KCNQ1: variants seen among roughly 807,000 people sequenced by gnomAD.
KCNQ1 encodes the protein potassium voltage-gated channel subfamily KQT member 1.
Under a neutral mutation model 72.4 loss-of-function variants are expected in KCNQ1, and 49 were observed. The ratio of observed to expected loss-of-function variants is 0.68; its 90% CI spans 0.54 to 0.86. The LOEUF (loss-of-function observed/expected upper bound fraction) is 0.86, where lower values mean the gene tolerates loss of function less well. Among genes scored for constraint, KCNQ1 ranks in the 40% least tolerant of loss-of-function variants. The probability of loss-of-function intolerance (pLI) is 0.00; values close to 1 mark genes in which losing one functional copy is unlikely to be tolerated. For synonymous variants in KCNQ1, 450 were observed against 412.6 expected (o/e 1.09, Z -1.10); for missense variants, 790 against 945.1 (o/e 0.84, Z 2.15).
chr11:2,506,225 T>C (rs74048643), intron 1 of KCNQ1, among the ~76,000 whole-genome samples: 4 of 152,228 alleles, frequency 2.6e-5, no homozygotes, highest in African/African-American at 4.8e-5. Context: ...TTGACCCATA[T>C]TGAGTTAATT....
chr11:2,847,520 A>T (rs1312608348), intron 15 of KCNQ1, among the ~76,000 whole-genome samples: 1 of 152,192 alleles, frequency 6.6e-6, no homozygotes, highest in Non-Finnish European at 1.5e-5. Context: ...GTGGACACAT[A>T]TAGGGACTCC....
rs1847860658 is a variant in KCNQ1, at chr11:2,827,405, C to T, written c.1795-20362C>T. 6.6e-6 allele frequency among the ~76,000 whole-genome samples: 1 copy of T among 152,162 alleles called. No individual in the cohort carries two copies. The highest frequency in any genetic ancestry group is 1.5e-5 in the Non-Finnish European group (1 of 68,024). ...GGTCCCCAGCGGCTGCTCCTGCATT[C>T]ACCATCACATCTGCATTCCAGCAGC... is the stretch of plus-strand genomic sequence containing the variant. On this transcript the variant is annotated intron_variant, in intron 15 of 15. Coordinates refer to ENST00000155840, the MANE Select transcript of KCNQ1 (RefSeq NM_000218.3). This position sits in a 1 kb window ranked among gnomAD's most constrained non-coding sequence, Gnocchi z 6.7.
chr11:2,622,845 G>A (rs1849197866), intron 10 of KCNQ1: 1 of 398,582 alleles, frequency 2.5e-6, no homozygotes, highest in African/African-American at 2.1e-5. Context: ...CACCAGAGTG[G>A]CACGTTTGTT....
chr11:2,667,210 C>T, intron 11 of KCNQ1: 1 of 398,780 alleles, frequency 2.5e-6, no homozygotes, highest in South Asian at 1.3e-4. Flanking sequence ...CCCGTGGCCC[C>T]CTAACCTTTC....
rs1846211481 is a variant in KCNQ1 at position 2,750,552 on chromosome 11, G to A, written c.1515-18292G>A. On this transcript the variant is annotated intron_variant, in intron 11 of 15. Coordinates refer to ENST00000155840, the MANE Select transcript of KCNQ1 (RefSeq NM_000218.3). This position sits in a 1 kb window ranked among gnomAD's most constrained non-coding sequence, Gnocchi z 6.3. The stretch of plus-strand genomic sequence containing the variant: ...AACCCTCTCTGCAGAGGCCCTGGCT[G>A]GACCAGTTGCTTTGCAATTCACAAG... Among the ~76,000 whole-genome samples, 2 of 152,206 alleles carry A rather than the reference G, an allele frequency of 1.3e-5. No individual in the cohort carries two copies. The highest frequency in any genetic ancestry group is 2.9e-5 in the Non-Finnish European group (2 of 68,034).
intron 11 of KCNQ1, chr11:2,667,737 G>A (rs192536035): frequency 4.1e-4 from 165 of 398,798 alleles, no homozygotes; most frequent in Non-Finnish European, 6.5e-4. Context: ...AAGTGAGGGA[G>A]TGGGATGGGG....
chr11:2,790,813 G>C (rs1194910137), intron 15 of KCNQ1, among the ~76,000 whole-genome samples: 1 of 152,220 alleles, frequency 6.6e-6, no homozygotes, highest in Non-Finnish European at 1.5e-5. Context: ...GTGTGAGCAT[G>C]AGGATGGCAT....
intron 11 of KCNQ1, among the ~76,000 whole-genome samples, chr11:2,754,585 G>A (rs1024967072): frequency 9.9e-5 from 15 of 152,220 alleles, no homozygotes; most frequent in Non-Finnish European, 1.5e-4. Context: ...CCATACAAAT[G>A]TGGGACATTG....
rs1847656542 is a variant in KCNQ1, at chr11:2,818,156, G to A, written c.1795-29611G>A. ...GTGTCTGCTGGCCCTCAGAGTGGGAGCGCGTGCCCCAACTTCCGAGCCCTA... is the reference window on the plus strand; with the variant it reads ...GTGTCTGCTGGCCCTCAGAGTGGGAACGCGTGCCCCAACTTCCGAGCCCTA... On this transcript the variant is annotated intron_variant, in intron 15 of 15. Coordinates refer to ENST00000155840, the MANE Select transcript of KCNQ1 (RefSeq NM_000218.3). The surrounding 1 kb of genome is among the most constrained non-coding windows in gnomAD (Gnocchi z 7.2). Among the ~76,000 whole-genome samples, 1 of 152,174 alleles carries A rather than the reference G, an allele frequency of 6.6e-6. No homozygotes were observed. Among genetic ancestry groups the A allele is most frequent in the Non-Finnish European group, 1.5e-5 (1 of 68,038 alleles).
chr11:2,570,497 A>G, intron 2 of KCNQ1, 131 bp from the exon 3 acceptor site: 1 of 1,220,182 alleles, frequency 8.2e-7, no homozygotes, highest in Non-Finnish European at 1.2e-6. Context: ...GCAGGCCAGG[A>G]CCCGGGCCTG....
intron 11 of KCNQ1, chr11:2,692,836 G>C (rs1309981317): frequency 5.0e-6 from 2 of 398,520 alleles, no homozygotes; most frequent in Admixed American, 4.4e-5. Context: ...TCATTCCCCT[G>C]CCTGTTAGAC....
At chr11:2,822,791 G>C (rs1216161892) in intron 15 of KCNQ1, among the ~76,000 whole-genome samples, 1 of 152,196 alleles carries the variant, frequency 6.6e-6, no homozygotes, top group Non-Finnish European at 1.5e-5. Context: ...GTGAGGCAAG[G>C]GAGCAATGAA....
chr11:2,530,582 C>T (rs568612690), intron 2 of KCNQ1, among the ~76,000 whole-genome samples: 1 of 152,168 alleles, frequency 6.6e-6, no homozygotes, highest in Non-Finnish European at 1.5e-5. Context: ...CACGCATGTG[C>T]GTGTTTATGG....
chr11:2,656,583 T>G (rs1479166508), intron 10 of KCNQ1: 2 of 398,684 alleles, frequency 5.0e-6, no homozygotes, highest in East Asian at 7.1e-5. Flanking sequence ...ATTCCTCTTT[T>G]GTGATGTGCT....
At position 2,521,255 on chromosome 11, in the gene KCNQ1, C is replaced by T. The variant is rs540961411; in HGVS notation, c.387-6673C>T. ...GCCCCGCCATCCTGCTCTCCGCAACCGTGGATCCGTCCTCCCCATGTCCAC... is the reference window on the plus strand; with the variant it reads ...GCCCCGCCATCCTGCTCTCCGCAACTGTGGATCCGTCCTCCCCATGTCCAC... On this transcript the variant is annotated intron_variant, in intron 1 of 15. Transcript: ENST00000155840. Among the ~76,000 whole-genome samples the T allele has an allele frequency of 4.6e-5, 7 of 151,930 alleles. No homozygotes were observed. The South Asian group carries it at 1.0e-3, about 23-fold the overall frequency.
chr11:2,567,067 GGAGGCTCTGGGGGAGACTGGGCGGT>G lies in KCNQ1; in HGVS notation c.478-3557_478-3533del, dbSNP rs1431117719. ...GAATGGGGGGCACCTGGGGCCCACG[GGAGGCTCTGGGGGAGACTGGGCGGT>G]GAGCCCCTGGGAAGGAGGCCTCAGG... On this transcript the variant is annotated intron_variant, in intron 2 of 15. Coordinates refer to ENST00000155840, the MANE Select transcript of KCNQ1 (RefSeq NM_000218.3). The surrounding 1 kb of genome is among the most constrained non-coding windows in gnomAD (Gnocchi z 6.6). Among the ~76,000 whole-genome samples, 2 of 152,010 alleles carry G rather than the reference GGAGGCTCTGGGGGAGACTGGGCGGT, an allele frequency of 1.3e-5. No homozygotes were observed. Among genetic ancestry groups the G allele is most frequent in the Non-Finnish European group, 2.9e-5 (2 of 67,956 alleles).
At chr11:2,604,605 C>T (rs952403085) in intron 10 of KCNQ1, among the ~76,000 whole-genome samples, 6 of 150,506 alleles carry the variant, frequency 4.0e-5, no homozygotes, top group South Asian at 2.1e-4. Context: ...AGTGCAGTGG[C>T]GCGATCTGAG....
chr11:2,732,596 C>T (rs552834548), intron 11 of KCNQ1, among the ~76,000 whole-genome samples: 116 of 152,298 alleles, frequency 7.6e-4, no homozygotes, highest in Middle Eastern at 3.4e-3. Context: ...CCCGAGGCAC[C>T]GGTGCTTCCG....
chr11:2,706,838 G>T (rs7938807), intron 11 of KCNQ1, among the ~76,000 whole-genome samples: 12,982 of 152,240 alleles, frequency 0.085, 626 homozygotes, highest in South Asian at 0.11. Flanking sequence ...CCCGGTGCAG[G>T]TCCCACTCCC....
Sources: gnomAD v4.1 joint callset for allele counts (sites outside exome capture counted in the v4.1 genomes callset) on GRCh38, gnomAD v4.1.1 for gene constraint, Gnocchi (gnomAD v3.1) non-coding constraint, MANE v1.5 for transcripts, NCBI Gene and HGNC (gene_info 2026-07-23, HGNC 2026-07-21) for gene names.